Variants in DST observed in about 807,000 individuals in gnomAD.
The protein encoded by DST is bullous pemphigoid antigen.
Under a neutral mutation model 875.2 loss-of-function variants are expected in DST, and 253 were observed. The observed-to-expected ratio is 0.29, with a 90% CI of 0.26 to 0.32. The LOEUF (loss-of-function observed/expected upper bound fraction) is 0.32. Among genes scored for constraint, DST ranks in the 10% least tolerant of loss-of-function variants. DST has a pLI of 1.00. For synonymous variants in DST, 3,124 were observed against 3,197.1 expected, an observed-to-expected ratio of 0.98 and a Z score of 0.77; for missense variants, 8,287 against 9,111.6, an observed-to-expected ratio of 0.91 and a Z score of 3.68.
At chr6:56,897,914 T>A (rs1325848214) in intron 3 of DST, among the ~76,000 whole-genome samples, 1 of 152,148 alleles carries the variant, frequency 6.6e-6, no homozygotes, top group Non-Finnish European at 1.5e-5. Context: ...CTTCCATGGC[T>A]CCAGCTCTTC....
At chr6:56,697,070 A>G (rs1469256431) in intron 9 of DST, among the ~76,000 whole-genome samples, 1 of 152,158 alleles carries the variant, frequency 6.6e-6, no homozygotes, top group African/African-American at 2.4e-5. Context: ...GGCACAGGAT[A>G]TCCCACCATC....
chr6:56,463,106 G>T lies in DST; in HGVS notation c.23010C>A (p.Ser7670Arg). ...RNYGKPWLTN[S>R]KMSTPCKAAE... is the part of the protein sequence containing the mutation. The stretch of plus-strand genomic sequence containing the variant: ...CTGCTTTACAAGGAGTTGACATTTT[G>T]CTGTTTGTCAACCATGGTTTACCAT... Residue 7670 changes from serine to arginine, a missense_variant, in exon 102 of 104, where the codon AGC becomes AGA. Physicochemically the swap from Ser to Arg is moderately radical, Grantham distance 110. Coordinates refer to ENST00000680361, the MANE Select transcript of DST (RefSeq NM_001374736.1). 2 of 1,613,708 alleles carry T rather than the reference G, an allele frequency of 1.2e-6. No individual in the cohort carries two copies. The highest frequency in any genetic ancestry group is 8.5e-7 in the Non-Finnish European group (1 of 1,179,734).
intron 78 of DST, among the ~76,000 whole-genome samples, chr6:56,503,783 G>T (rs2096224645): frequency 6.6e-6 from 1 of 151,758 alleles, no homozygotes; most frequent in Admixed American, 6.6e-5. Context: ...GTTATTAATT[G>T]ACTATAAAAA....
At chr6:56,656,318 G>C (rs544378301) in intron 10 of DST, among the ~76,000 whole-genome samples, 1 of 152,352 alleles carries the variant, frequency 6.6e-6, no homozygotes, top group Admixed American at 6.5e-5. Context: ...AAGTATAAAA[G>C]TTTCAAAAAG....
intron 27 of DST, among the ~76,000 whole-genome samples, chr6:56,633,265 C>A (rs1245675497): frequency 7.0e-6 from 1 of 142,940 alleles, no homozygotes; most frequent in Non-Finnish European, 1.5e-5. Context: ...CTCGCTCTGT[C>A]GCCCAGGCTG....
chr6:56,738,211 C>A (rs1260512470), intron 4 of DST, among the ~76,000 whole-genome samples: 1 of 152,172 alleles, frequency 6.6e-6, no homozygotes, highest in Non-Finnish European at 1.5e-5. Context: ...CTTTTCAGTG[C>A]CCCCAACTTC....
chr6:56,572,162 G>T lies in DST; in HGVS notation c.13659C>A (p.Val4553=). Residue 4553 remains valine (V), a synonymous_variant, in exon 53 of 104, where the codon GTC becomes GTA. Coordinates refer to ENST00000680361, the MANE Select transcript of DST (RefSeq NM_001374736.1). ...TTGACAAATTATTTGTTTTTTCAAG[G>T]ACCAAAGCCTTATCACTTGGTAAGC... The part of the protein sequence containing the change: ...SHGLPSDKAL[V]LEKTNNLSKK... 2 of 1,542,992 alleles carry T rather than the reference G, an allele frequency of 1.3e-6. No individual in the cohort carries two copies. The highest frequency in any genetic ancestry group is 1.4e-5 in the African/African-American group (1 of 73,498).
chr6:56,557,857 A>C (rs1023320015), intron 58 of DST, among the ~76,000 whole-genome samples: 5 of 152,156 alleles, frequency 3.3e-5, no homozygotes, highest in African/African-American at 1.2e-4. Context: ...AACAATGAAC[A>C]ATAATCCTTT....
chr6:56,508,721 A>C lies in DST; in HGVS notation c.19047T>G (p.Ile6349Met). The change falls in exon 75 of 104, where the codon ATT becomes ATG. Residue 6349 changes from isoleucine (I) to methionine (M), a missense_variant. Coordinates refer to ENST00000680361, the MANE Select transcript of DST (RefSeq NM_001374736.1). ...CCACCAGTGTGTGTATGTTCTCCCA[A>C]ATGAAAACCATTTGGTCAAGCTTAT... ...VQDKLDQMVF[I>M]WENIHTLVEE... 1.2e-6 allele frequency: 2 copies of C among 1,613,588 alleles called. No homozygotes were observed. The highest frequency in any genetic ancestry group is 2.2e-5 in the South Asian group (2 of 91,022).
At chr6:56,681,543 C>T (rs1445843633) in intron 9 of DST, among the ~76,000 whole-genome samples, 1 of 152,166 alleles carries the variant, frequency 6.6e-6, no homozygotes, top group African/African-American at 2.4e-5. Flanking sequence ...AGGGACCTGA[C>T]CATCTTCTGT....
chr6:56,570,537 G>A (rs924104817), intron 53 of DST, among the ~76,000 whole-genome samples: 11 of 152,104 alleles, frequency 7.2e-5, no homozygotes, highest in African/African-American at 2.7e-4. Flanking sequence ...CGATCTGACA[G>A]GAGGCAGAGC....
rs1323321 is a variant in DST at position 56,494,607 on chromosome 6, G to A, written c.20224-427C>T. 4.1e-3 allele frequency among the ~76,000 whole-genome samples: 619 copies of A among 152,118 alleles called. 3 individuals carry two copies. Among genetic ancestry groups the A allele is most frequent in the African/African-American group, 0.014 (591 of 41,532 alleles). On this transcript the variant is annotated intron_variant, in intron 82 of 103. Coordinates refer to ENST00000680361, the MANE Select transcript of DST (RefSeq NM_001374736.1). ...AATGAATGTAGTATTTCATTGGTAC[G>A]ATTTAATTCTGCACTCAGAAAACAT... is the stretch of plus-strand genomic sequence containing the variant.
At chr6:56,645,304 C>T (rs2098935929) in intron 15 of DST, among the ~76,000 whole-genome samples, 1 of 152,164 alleles carries the variant, frequency 6.6e-6, no homozygotes, top group South Asian at 2.1e-4. Context: ...ATGGTACCTT[C>T]CTGGGCAACT....
chr6:56,847,847 A>G (rs1235555626), intron 4 of DST, among the ~76,000 whole-genome samples: 1 of 152,200 alleles, frequency 6.6e-6, no homozygotes, highest in Non-Finnish European at 1.5e-5. Context: ...CATTTATCAT[A>G]TTAGACTATG....
intron 77 of DST, 84 bp downstream of exon 77, chr6:56,506,359 T>C: frequency 9.2e-7 from 1 of 1,088,572 alleles, no homozygotes; most frequent in Middle Eastern, 2.1e-4. Context: ...CTGGCAGATC[T>C]TGAGGTGGTG....
At chr6:56,719,393 T>C (rs1042753174) in intron 5 of DST, among the ~76,000 whole-genome samples, 5 of 152,228 alleles carry the variant, frequency 3.3e-5, no homozygotes, top group Non-Finnish European at 7.3e-5. Flanking sequence ...AAGCCGGGGT[T>C]ATACATTAAG....
Position 56,714,938 on chromosome 6 carries a change from A to G in DST, c.688-10569T>C, listed in dbSNP as rs185401385. Among the ~76,000 whole-genome samples, 23 of 152,314 alleles carry G rather than the reference A, an allele frequency of 1.5e-4. No individual in the cohort carries two copies. The highest frequency in any genetic ancestry group is 1.3e-3 in the Admixed American group (20 of 15,296). ...GTACACCAATCATCATTTTACTTAT[A>G]GTTTTATGTAGACAATATACATAAA... On this transcript the variant is annotated intron_variant, in intron 5 of 103. Transcript: ENST00000680361. This position sits in a 1 kb window ranked among gnomAD's most constrained non-coding sequence, Gnocchi z 4.5.
intron 4 of DST, among the ~76,000 whole-genome samples, chr6:56,753,204 T>A (rs1057240321): frequency 6.6e-6 from 1 of 152,188 alleles, no homozygotes; most frequent in South Asian, 2.1e-4. Flanking sequence ...GGATATGGTA[T>A]GCAATGCATA....
At chr6:56,582,341 A>T (rs990757387) in intron 49 of DST, among the ~76,000 whole-genome samples, 1 of 152,146 alleles carries the variant, frequency 6.6e-6, no homozygotes, top group Non-Finnish European at 1.5e-5. Flanking sequence ...CAGTGAGTGA[A>T]TTCTAGCAAG....
Sources: gnomAD v4.1 joint callset for allele counts (sites outside exome capture counted in the v4.1 genomes callset) on GRCh38, gnomAD v4.1.1 for gene constraint, Gnocchi (gnomAD v3.1) non-coding constraint, MANE v1.5 for transcripts, NCBI Gene and HGNC (gene_info 2026-07-23, HGNC 2026-07-21) for gene names.